Variants in PPA1 observed in about 807,000 individuals in gnomAD.
The protein encoded by PPA1 is inorganic pyrophosphatase.
PPA1 carries 23 observed loss-of-function variants against 41.8 expected under a neutral mutation model. That is an observed-to-expected ratio of 0.55 (90% CI 0.40 to 0.78). The LOEUF (loss-of-function observed/expected upper bound fraction) is 0.78, where lower values mean the gene tolerates loss of function less well. Among genes scored for constraint, PPA1 ranks in the 30% least tolerant of loss-of-function variants. PPA1 has a pLI of 0.00. For missense variants in PPA1, 320 were observed against 361.6 expected, an observed-to-expected ratio of 0.89 and a Z score of 0.93; for synonymous variants, 101 against 116.8, an observed-to-expected ratio of 0.86 and a Z score of 0.87.
At chr10:70,213,040 T>C (rs1840039961) in intron 6 of PPA1, among the ~76,000 whole-genome samples, 1 of 152,200 alleles carries the variant, frequency 6.6e-6, no homozygotes, top group South Asian at 2.1e-4. Flanking sequence ...TGCCCATGGA[T>C]ACAGGATTTC....
In PPA1 at chr10:70,230,453, C is replaced by T. The variant is rs1040274403; in HGVS notation, c.65-54G>A. The T allele has an allele frequency of 3.1e-5, 47 of 1,505,512 alleles. No individual in the cohort carries two copies. The Middle Eastern group carries it at 5.7e-4, about 18-fold the overall frequency. 93.3% of individuals were successfully genotyped at this position (1,505,512 alleles called of 1,614,324 possible). Reference sequence around the variant, plus strand: ...CTATAATTAATTGTATTGCTAAATGCCCACAGTACACATTTTTTTTTTCTG... The same window carrying T: ...CTATAATTAATTGTATTGCTAAATGTCCACAGTACACATTTTTTTTTTCTG... On this transcript the variant is annotated intron_variant, in intron 1 of 10. Coordinates refer to ENST00000373232, the MANE Select transcript of PPA1 (RefSeq NM_021129.4).
At chr10:70,220,131 T>C (rs973446167) in intron 2 of PPA1, among the ~76,000 whole-genome samples, 1 of 151,910 alleles carries the variant, frequency 6.6e-6, no homozygotes, top group South Asian at 2.1e-4. Flanking sequence ...AGTTTCGCCA[T>C]GTTGGCCAGG....
At chr10:70,232,055 T>C (rs1162126767) in intron 1 of PPA1, among the ~76,000 whole-genome samples, 2 of 152,220 alleles carry the variant, frequency 1.3e-5, no homozygotes, top group African/African-American at 4.8e-5. Flanking sequence ...TGCTGCTTAA[T>C]TGCAAAATTA....
At chr10:70,221,735 C>G (rs938577993) in intron 2 of PPA1, among the ~76,000 whole-genome samples, 2 of 152,138 alleles carry the variant, frequency 1.3e-5, no homozygotes, top group Admixed American at 1.3e-4. Flanking sequence ...CATGAAAGAT[C>G]AACTGAAGAG....
At chr10:70,223,783 G>C (rs149018694) in intron 2 of PPA1, among the ~76,000 whole-genome samples, 1 of 152,014 alleles carries the variant, frequency 6.6e-6, no homozygotes, top group Non-Finnish European at 1.5e-5. Flanking sequence ...AAGAAATTTC[G>C]TACTACCCAG....
At chr10:70,228,362 G>T (rs1027638350) in intron 2 of PPA1, among the ~76,000 whole-genome samples, 1 of 152,156 alleles carries the variant, frequency 6.6e-6, no homozygotes, top group Admixed American at 6.5e-5. Context: ...TAGGAATACA[G>T]TCACTTAGAA....
At chr10:70,213,688 T>C in intron 5 of PPA1, 99 bp from the exon 6 acceptor site, 10 of 1,383,714 alleles carry the variant, frequency 7.2e-6, no homozygotes, top group South Asian at 1.5e-5. Flanking sequence ...GCCAAGTTCT[T>C]GAGAATTTAC....
chr10:70,206,298 C>G lies in PPA1; in HGVS notation c.761G>C (p.Cys254Ser), dbSNP rs1839938168. 3.1e-6 allele frequency: 5 copies of G among 1,613,294 alleles called. No individual in the cohort carries two copies. Among genetic ancestry groups the G allele is most frequent in the Non-Finnish European group, 4.2e-6 (5 of 1,179,512 alleles). Residue 254 changes from cysteine (C) to serine (S), a missense_variant, in exon 9 of 11, where the codon TGT (cysteine) becomes TCT (serine). By Grantham distance (112) the Cys-to-Ser change is moderately radical. Coordinates refer to ENST00000373232, the MANE Select transcript of PPA1 (RefSeq NM_021129.4). ...NTTLSESPFK[C>S]DPDAARAIVD... ...AATGGCTCTGGCAGCATCAGGATCA[C>G]ACTTGAAGGGGCTCTCAGACAAAGT...
intron 7 of PPA1, 99 bp from the exon 8 acceptor site, chr10:70,209,389 T>C: frequency 7.7e-7 from 1 of 1,302,386 alleles, no homozygotes; most frequent in South Asian, 1.5e-5. Flanking sequence ...TTCTGAATCA[T>C]TTCCTTATTC....
In PPA1 at chr10:70,206,060, T is replaced by A. The variant is rs116857998; in HGVS notation, c.795+204A>T. On this transcript the variant is annotated intron_variant, in intron 9 of 10. Coordinates refer to ENST00000373232, the MANE Select transcript of PPA1 (RefSeq NM_021129.4). Reference sequence around the variant, plus strand: ...ACCATGCTATCTGTCCAACTTATGATTGATTAGAATCACTCCCTCAGCTTC... The same window carrying A: ...ACCATGCTATCTGTCCAACTTATGAATGATTAGAATCACTCCCTCAGCTTC... 2,367 of 560,436 alleles carry A rather than the reference T, an allele frequency of 4.2e-3. 8 individuals carry two copies. The highest frequency in any genetic ancestry group is 6.4e-3 in the Non-Finnish European group (1,979 of 307,440). The allele number at this position is 560,436 out of a possible 1,614,324, so 34.7% of individuals were successfully genotyped here.
At chr10:70,211,803 T>A (rs144215856) in intron 6 of PPA1, among the ~76,000 whole-genome samples, 2 of 152,286 alleles carry the variant, frequency 1.3e-5, no homozygotes, top group East Asian at 3.9e-4. Flanking sequence ...AAGAAGCACG[T>A]TGGAAATGCA....
intron 1 of PPA1, among the ~76,000 whole-genome samples, chr10:70,232,865 C>A (rs904217606): frequency 4.6e-5 from 7 of 151,320 alleles, no homozygotes; most frequent in African/African-American, 7.4e-5. Context: ...CCCCCCCCGG[C>A]CCGGAGTCGC....
intron 2 of PPA1, among the ~76,000 whole-genome samples, chr10:70,219,731 G>A (rs565442483): frequency 1.8e-4 from 27 of 152,232 alleles, no homozygotes; most frequent in Admixed American, 5.2e-4. Context: ...GATATATTCA[G>A]GGAGTAAATT....
At chr10:70,224,577 T>C (rs113329552) in intron 2 of PPA1, among the ~76,000 whole-genome samples, 2,073 of 152,346 alleles carry the variant, frequency 0.014, 22 homozygotes, top group Middle Eastern at 0.027. Flanking sequence ...AGTTGTTTAC[T>C]AATAAATAGG....
At chr10:70,221,076 A>ATATATATATATATTTTTT (rs1224550178) in intron 2 of PPA1, among the ~76,000 whole-genome samples, 1 of 40,050 alleles carries the variant, frequency 2.5e-5, no homozygotes, top group African/African-American at 2.0e-4. Flanking sequence ...ATATATATAT[A>ATATATATATATATTTTTT]TTTTTTTTTT....
rs1839901965 is a variant in PPA1 at position 70,203,345 on chromosome 10, A to G, written c.839-159T>C. ...TACAAAATTTCTCTACAGCAAATGC[A>G]GGTGTTTTCTTTTGGGCTTCCTTAC... is the stretch of plus-strand genomic sequence containing the variant. On this transcript the variant is annotated intron_variant, in intron 10 of 10. Transcript: ENST00000373232. Among the ~76,000 whole-genome samples, 3 of 152,194 alleles carry G rather than the reference A, an allele frequency of 2.0e-5. No individual in the cohort carries two copies. In the South Asian group the frequency reaches 6.2e-4, roughly 31 times the overall value.
rs572001795 is a variant in PPA1, at chr10:70,216,968, A to G, written c.297+844T>C. 6.6e-5 allele frequency among the ~76,000 whole-genome samples: 10 copies of G among 152,206 alleles called. No homozygotes were observed. The East Asian group carries it at 1.9e-3, about 29-fold the overall frequency. On this transcript the variant is annotated intron_variant, in intron 4 of 10. Coordinates refer to ENST00000373232, the MANE Select transcript of PPA1 (RefSeq NM_021129.4). ...GCGGATCACAGGTCAGGAGATCGAG[A>G]CCATCTGGCTAACACAGTGAACCCC... is the stretch of plus-strand genomic sequence containing the variant.
rs140580971 is a variant in PPA1, at chr10:70,218,665, A to T, written c.177+99T>A. On this transcript the variant is annotated intron_variant, in intron 3 of 10. Coordinates refer to ENST00000373232, the MANE Select transcript of PPA1 (RefSeq NM_021129.4). ...AAAATAGACTGGGACCAGACAGAGA[A>T]AAACCTTGACGTTCAGATGGTTCAT... is the stretch of plus-strand genomic sequence containing the variant. 2,846 of 959,468 alleles carry T rather than the reference A, an allele frequency of 3.0e-3. 37 individuals are homozygous for T. The highest frequency in any genetic ancestry group is 0.017 in the East Asian group (644 of 38,074). The allele number at this position is 959,468 out of a possible 1,614,324, so 59.4% of individuals were successfully genotyped here. A position where few individuals can be genotyped will look rare whatever the true frequency, so the allele number is the denominator to read the frequency against.
intron 2 of PPA1, among the ~76,000 whole-genome samples, chr10:70,228,026 T>TAAAAC (rs996364863): frequency 6.6e-6 from 1 of 152,132 alleles, no homozygotes; most frequent in Admixed American, 6.5e-5. Flanking sequence ...TAACTTCCTT[T>TAAAAC]AAAACAAAAC....
Sources: allele counts gnomAD v4.1 joint callset (sites outside exome capture counted in the v4.1 genomes callset), GRCh38; gene constraint gnomAD v4.1.1; transcripts MANE v1.5; gene names NCBI Gene and HGNC (gene_info 2026-07-23, HGNC 2026-07-21).